EYS: variants seen among roughly 807,000 people sequenced by gnomAD.
The protein encoded by EYS is EGF-like photoreceptor maintenance factor.
Under a neutral mutation model 282.1 loss-of-function variants are expected in EYS, and 250 were observed. That is an observed-to-expected ratio of 0.89 (90% CI 0.80 to 0.98). The LOEUF is 0.98. Among genes scored for constraint, EYS ranks in the 50% least tolerant of loss-of-function variants. The probability of loss-of-function intolerance (pLI) is 0.00; values close to 1 mark genes in which losing one functional copy is unlikely to be tolerated. For synonymous variants in EYS, 1,355 were observed against 1,282.9 expected (o/e 1.06, Z -1.20); for missense variants, 4,016 against 3,709.0 (o/e 1.08, Z -2.15).
At chr6:64,024,887 G>A (rs557355263) in intron 33 of EYS, among the ~76,000 whole-genome samples, 4 of 152,254 alleles carry the variant, frequency 2.6e-5, no homozygotes, top group Admixed American at 2.6e-4. Context: ...CACCGTGAGG[G>A]TCTGCGGCTT....
intron 13 of EYS, among the ~76,000 whole-genome samples, chr6:65,016,185 G>A (rs895593024): frequency 1.3e-5 from 2 of 151,016 alleles, no homozygotes; most frequent in African/African-American, 4.9e-5. Context: ...ATAACATGGT[G>A]AAACCTCGTT....
Position 64,363,983 on chromosome 6 carries a change from G to C in EYS, c.6078+24707C>G, listed in dbSNP as rs671938. Among the ~76,000 whole-genome samples the C allele has an allele frequency of 1.1e-4, 17 of 151,724 alleles. 1 individual carries two copies. In the Middle Eastern group the frequency reaches 0.014, roughly 121 times the overall value. ...TTTTTAATAGCTGGCCCAGAGCTTC[G>C]TTCATCTCTCTACCCTGTCTTATCT... On this transcript the variant is annotated intron_variant, in intron 29 of 42. Coordinates refer to ENST00000503581, the MANE Select transcript of EYS (RefSeq NM_001142800.2).
At chr6:65,340,245 A>G (rs772679862) in intron 10 of EYS, among the ~76,000 whole-genome samples, 8 of 151,190 alleles carry the variant, frequency 5.3e-5, no homozygotes, top group Non-Finnish European at 1.0e-4. Context: ...ATATAATTTC[A>G]TAACATTTTT....
chr6:63,828,582 C>T (rs1771537830), intron 36 of EYS, among the ~76,000 whole-genome samples: 1 of 152,044 alleles, frequency 6.6e-6, no homozygotes, highest in Non-Finnish European at 1.5e-5. Flanking sequence ...ATACATCTGA[C>T]AAAGGACTCA....
At chr6:64,601,986 C>G (rs1177203774) in intron 24 of EYS, among the ~76,000 whole-genome samples, 2 of 152,004 alleles carry the variant, frequency 1.3e-5, no homozygotes, top group African/African-American at 4.8e-5. Context: ...TGGATTATTT[C>G]TTTTTATCAC....
intron 22 of EYS, among the ~76,000 whole-genome samples, chr6:64,732,874 A>G (rs542639835): frequency 3.3e-4 from 50 of 152,360 alleles, no homozygotes; most frequent in African/African-American, 1.2e-3. Context: ...ATTCTGATGT[A>G]TAACGTGAAA....
intron 26 of EYS, among the ~76,000 whole-genome samples, chr6:64,549,442 C>T (rs1764993492): frequency 6.6e-6 from 1 of 152,118 alleles, no homozygotes; most frequent in Non-Finnish European, 1.5e-5. Context: ...AATAAGCAGC[C>T]CTTCCAACCA....
intron 11 of EYS, among the ~76,000 whole-genome samples, chr6:65,300,126 C>G (rs1349131565): frequency 6.6e-6 from 1 of 152,128 alleles, no homozygotes; most frequent in African/African-American, 2.4e-5. Flanking sequence ...ATCATTACTT[C>G]CCCATGTCCC....
intron 33 of EYS, among the ~76,000 whole-genome samples, chr6:64,050,170 T>C (rs760933136): frequency 1.3e-5 from 2 of 152,158 alleles, no homozygotes; most frequent in Non-Finnish European, 2.9e-5. Flanking sequence ...CACATCCACA[T>C]ACATTCCTTC....
intron 26 of EYS, among the ~76,000 whole-genome samples, chr6:64,443,171 G>T (rs528154894): frequency 2.6e-5 from 4 of 152,222 alleles, no homozygotes; most frequent in African/African-American, 9.6e-5. Flanking sequence ...AAGACATGGA[G>T]TCAAAGGAGA....
chr6:65,598,835 G>A (rs1582501863), intron 2 of EYS, among the ~76,000 whole-genome samples: 1 of 152,148 alleles, frequency 6.6e-6, no homozygotes, highest in African/African-American at 2.4e-5. Context: ...ATCCTTGAAC[G>A]TATTATTTAA....
intron 2 of EYS, among the ~76,000 whole-genome samples, chr6:65,580,446 CA>C (rs1260683535): frequency 6.6e-6 from 1 of 151,936 alleles, no homozygotes; most frequent in Non-Finnish European, 1.5e-5. Flanking sequence ...CAACAAATTA[CA>C]AAAGTAATTG....
At chr6:65,220,796 A>T (rs1441705129) in intron 12 of EYS, among the ~76,000 whole-genome samples, 1 of 152,150 alleles carries the variant, frequency 6.6e-6, no homozygotes, top group East Asian at 1.9e-4. Context: ...AGACTTGTGG[A>T]ATGGTTTTGA....
At chr6:65,478,151 T>C (rs996007974) in intron 5 of EYS, among the ~76,000 whole-genome samples, 4 of 152,014 alleles carry the variant, frequency 2.6e-5, no homozygotes, top group African/African-American at 7.2e-5. Context: ...TTTGCAGAAG[T>C]GAAGGAGAAG....
intron 2 of EYS, among the ~76,000 whole-genome samples, chr6:65,627,315 G>A (rs922531584): frequency 6.6e-6 from 1 of 152,092 alleles, no homozygotes; most frequent in South Asian, 2.1e-4. Context: ...TTAACAAAGA[G>A]AATTTGTGAT....
At chr6:65,539,704 A>G (rs190868045) in intron 2 of EYS, among the ~76,000 whole-genome samples, 3 of 152,330 alleles carry the variant, frequency 2.0e-5, no homozygotes, top group Non-Finnish European at 4.4e-5. Context: ...TTCGTTTTCA[A>G]TATAAATAAA....
chr6:65,601,483 T>A (rs982879914), intron 2 of EYS, among the ~76,000 whole-genome samples: 3 of 151,874 alleles, frequency 2.0e-5, no homozygotes, highest in African/African-American at 7.2e-5. Context: ...ATTCTGCCTC[T>A]TGCAGTGATT....
chr6:65,070,943 C>T (rs2150165710), intron 12 of EYS, among the ~76,000 whole-genome samples: 1 of 151,912 alleles, frequency 6.6e-6, no homozygotes, highest in South Asian at 2.1e-4. Context: ...TATTAAATTG[C>T]ATTTTACATT....
intron 24 of EYS, among the ~76,000 whole-genome samples, chr6:64,598,155 T>C (rs1766646171): frequency 1.3e-5 from 2 of 152,190 alleles, no homozygotes; most frequent in East Asian, 3.9e-4. Context: ...ACAGAATGCA[T>C]GTAAATTAAG....
Sources: allele counts gnomAD v4.1 joint callset (sites outside exome capture counted in the v4.1 genomes callset), GRCh38; gene constraint gnomAD v4.1.1; transcripts MANE v1.5; gene names NCBI Gene and HGNC (gene_info 2026-07-23, HGNC 2026-07-21).